The following SUCLG2 variants were observed in gnomAD, a reference collection of about 807,000 sequenced individuals.
The protein encoded by SUCLG2 is succinate--CoA ligase [GDP-forming] subunit beta, mitochondrial.
Under a neutral mutation model 47.9 loss-of-function variants are expected in SUCLG2, and 42 were observed. The ratio of observed to expected loss-of-function variants is 0.88; its 90% CI spans 0.69 to 1.14. SUCLG2 has a LOEUF of 1.14. SUCLG2 is among the 50% of genes most tolerant of loss of function. The pLI, the probability that SUCLG2 is intolerant of heterozygous loss-of-function variation, is 0.00. For synonymous variants in SUCLG2, 195 were observed against 197.3 expected (o/e 0.99, Z 0.10); for missense variants, 571 against 525.9 (o/e 1.09, Z -0.84).
rs146682306 is a variant in SUCLG2 at position 67,608,446 on chromosome 3, CCTTT to C, written c.226+1005_226+1008del. Among the ~76,000 whole-genome samples, 540 of 149,954 alleles carry C rather than the reference CCTTT, an allele frequency of 3.6e-3. 1 individual carries two copies. The highest frequency in any genetic ancestry group is 0.013 in the African/African-American group (503 of 39,424). On this transcript the variant is annotated intron_variant, in intron 2 of 10. Coordinates refer to ENST00000307227, the MANE Select transcript of SUCLG2 (RefSeq NM_003848.4). ...CTTTTTTAAATTGCAGTTATCATTT[CCTTT>C]ATTAGTTAACATGGATCACAATTTC...
chr3:67,614,948 T>G lies in SUCLG2; in HGVS notation c.85-5352A>C, dbSNP rs80340608. Among the ~76,000 whole-genome samples the G allele has an allele frequency of 3.8e-3, 584 of 152,260 alleles. 4 individuals are homozygous for G. Among genetic ancestry groups the G allele is most frequent in the African/African-American group, 0.013 (551 of 41,538 alleles). ...CATCACATTCTTAAACTAGCTGGGGTAGGTGGGCACCTAGGTTTTGTTCCC... is the reference window on the plus strand; with the variant it reads ...CATCACATTCTTAAACTAGCTGGGGGAGGTGGGCACCTAGGTTTTGTTCCC... On this transcript the variant is annotated intron_variant, in intron 1 of 10. Transcript: ENST00000307227.
intron 2 of SUCLG2, among the ~76,000 whole-genome samples, chr3:67,541,577 G>GT (rs1350519939): frequency 2.6e-5 from 4 of 152,224 alleles, no homozygotes; most frequent in Non-Finnish European, 5.9e-5. Context: ...ATGGAACCAA[G>GT]TTGGAAAACA....
chr3:67,397,188 G>A (rs1044564626), intron 10 of SUCLG2, among the ~76,000 whole-genome samples: 17 of 152,102 alleles, frequency 1.1e-4, no homozygotes, highest in Non-Finnish European at 2.5e-4. Context: ...TTAGGCAGGA[G>A]AAGGAAATGA....
At chr3:67,364,542 T>G (rs1701850891) in intron 10 of SUCLG2, among the ~76,000 whole-genome samples, 1 of 151,928 alleles carries the variant, frequency 6.6e-6, no homozygotes, top group Admixed American at 6.6e-5. Flanking sequence ...ATTCAGTCAG[T>G]GGAGGCGTAA....
intron 2 of SUCLG2, among the ~76,000 whole-genome samples, chr3:67,580,394 GTTC>G (rs1038412182): frequency 4.6e-5 from 7 of 151,976 alleles, no homozygotes; most frequent in African/African-American, 4.8e-5. Flanking sequence ...AATTTTACCT[GTTC>G]TTCTTCATAT....
At chr3:67,464,025 C>T (rs899927128) in intron 9 of SUCLG2, among the ~76,000 whole-genome samples, 1 of 152,206 alleles carries the variant, frequency 6.6e-6, no homozygotes, top group East Asian at 1.9e-4. Flanking sequence ...GCATTTGAAG[C>T]AATTTTCTCT....
At chr3:67,508,093 G>A (rs1229998192) in intron 7 of SUCLG2, among the ~76,000 whole-genome samples, 4 of 152,168 alleles carry the variant, frequency 2.6e-5, no homozygotes, top group Non-Finnish European at 5.9e-5. Flanking sequence ...ACTACCTGAT[G>A]GATAGGAGAA....
intron 9 of SUCLG2, among the ~76,000 whole-genome samples, chr3:67,423,264 C>A (rs1703215706): frequency 6.6e-6 from 1 of 152,258 alleles, no homozygotes; most frequent in East Asian, 1.9e-4. Context: ...TCCCACCACC[C>A]TGTGAAGAGG....
At chr3:67,390,919 T>G (rs959517907) in intron 10 of SUCLG2, among the ~76,000 whole-genome samples, 1 of 152,190 alleles carries the variant, frequency 6.6e-6, no homozygotes, top group Non-Finnish European at 1.5e-5. Context: ...AGCAAACTTC[T>G]ATGTCTCAGA....
At chr3:67,416,297 T>C (rs1233011111) in intron 9 of SUCLG2, among the ~76,000 whole-genome samples, 2 of 152,220 alleles carry the variant, frequency 1.3e-5, no homozygotes, top group East Asian at 3.9e-4. Context: ...TAATGGCAGA[T>C]TGCTGAATAA....
intron 10 of SUCLG2, among the ~76,000 whole-genome samples, chr3:67,376,938 G>A (rs1395661282): frequency 1.3e-5 from 2 of 152,222 alleles, no homozygotes; most frequent in African/African-American, 4.8e-5. Context: ...GCTCTGCCAT[G>A]TACTTGTTAT....
intron 9 of SUCLG2, among the ~76,000 whole-genome samples, chr3:67,469,062 T>C (rs1273198504): frequency 6.6e-6 from 1 of 152,064 alleles, no homozygotes; most frequent in Non-Finnish European, 1.5e-5. Context: ...AAAGAACAGC[T>C]CAGTCGAAGT....
chr3:67,614,620 T>C (rs980965488), intron 1 of SUCLG2, among the ~76,000 whole-genome samples: 7 of 152,084 alleles, frequency 4.6e-5, no homozygotes, highest in African/African-American at 1.7e-4. Context: ...ACTGACACAG[T>C]GCTTCACAGG....
At chr3:67,542,849 C>T (rs1280800466) in intron 2 of SUCLG2, among the ~76,000 whole-genome samples, 2 of 152,210 alleles carry the variant, frequency 1.3e-5, no homozygotes, top group African/African-American at 4.8e-5. Context: ...TACAAAGACA[C>T]TTGGACTCCC....
chr3:67,526,228 A>G (rs566114395), intron 4 of SUCLG2, among the ~76,000 whole-genome samples: 32 of 152,330 alleles, frequency 2.1e-4, no homozygotes, highest in African/African-American at 6.5e-4. Flanking sequence ...CCACAATGGC[A>G]TAAGAAGGAT....
chr3:67,535,310 G>C (rs575773280), intron 2 of SUCLG2, among the ~76,000 whole-genome samples: 2 of 152,108 alleles, frequency 1.3e-5, no homozygotes, highest in South Asian at 2.1e-4. Flanking sequence ...CTGAGAAAAG[G>C]CACGTCTAAA....
chr3:67,467,452 C>G (rs1184864858), intron 9 of SUCLG2, among the ~76,000 whole-genome samples: 1 of 152,020 alleles, frequency 6.6e-6, no homozygotes, highest in Admixed American at 6.6e-5. Context: ...ACTGCCTTCA[C>G]GTGGAAAAAA....
chr3:67,543,862 G>C (rs1042810460), intron 2 of SUCLG2, among the ~76,000 whole-genome samples: 18 of 152,140 alleles, frequency 1.2e-4, no homozygotes, highest in African/African-American at 4.3e-4. Flanking sequence ...AGTTTGTCTT[G>C]AATATTTAAA....
At chr3:67,612,008 A>C (rs1700535794) in intron 1 of SUCLG2, among the ~76,000 whole-genome samples, 1 of 152,212 alleles carries the variant, frequency 6.6e-6, no homozygotes, top group Non-Finnish European at 1.5e-5. Flanking sequence ...AAAACTTGGA[A>C]AACTAGGGCC....
Sources: allele counts gnomAD v4.1 joint callset (sites outside exome capture counted in the v4.1 genomes callset), GRCh38; gene constraint gnomAD v4.1.1; transcripts MANE v1.5; gene names NCBI Gene and HGNC (gene_info 2026-07-23, HGNC 2026-07-21).